Variants in RGL1 observed in about 807,000 individuals in gnomAD.
RGL1 encodes ral guanine nucleotide dissociation stimulator-like 1.
A neutral mutation model predicts 95.2 loss-of-function variants in RGL1; 24 were observed. That is an observed-to-expected ratio of 0.25 (90% CI 0.18 to 0.35). The LOEUF (loss-of-function observed/expected upper bound fraction) is 0.35, where lower values mean the gene tolerates loss of function less well. Among genes scored for constraint, RGL1 ranks in the 10% least tolerant of loss-of-function variants. The pLI, the probability that RGL1 is intolerant of heterozygous loss-of-function variation, is 1.00. For missense variants in RGL1, 715 were observed against 936.3 expected (o/e 0.76, Z 3.08); for synonymous variants, 329 against 344.9 (o/e 0.95, Z 0.51).
At position 183,750,060 on chromosome 1, in the gene RGL1, C is replaced by T. The variant is rs968616441; in HGVS notation, c.132+7771C>T. On this transcript the variant is annotated intron_variant, in intron 2 of 18. Transcript: ENST00000304685. ...TCTTGGGGTTGCTCCTCTTGAGGAGCATCTTAGTGGTGCTCTCTGCATTTC... is the reference window on the plus strand; with the variant it reads ...TCTTGGGGTTGCTCCTCTTGAGGAGTATCTTAGTGGTGCTCTCTGCATTTC... Among the ~76,000 whole-genome samples the T allele has an allele frequency of 4.5e-4, 68 of 152,074 alleles. 1 individual carries two copies. The highest frequency in any genetic ancestry group is 1.6e-3 in the African/African-American group (68 of 41,416).
intron 1 of RGL1, among the ~76,000 whole-genome samples, chr1:183,727,943 G>A (rs1009996047): frequency 9.2e-5 from 14 of 152,150 alleles, no homozygotes; most frequent in African/African-American, 2.9e-4. Flanking sequence ...TTACTTTTGG[G>A]TATGTCTATG....
upstream of RGL1, among the ~76,000 whole-genome samples, chr1:183,803,651 T>C (rs1258366192): frequency 1.3e-5 from 2 of 152,188 alleles, no homozygotes; most frequent in African/African-American, 4.8e-5. Flanking sequence ...AATATTTCAG[T>C]TACTGCCAAA....
intron 1 of RGL1, among the ~76,000 whole-genome samples, chr1:183,704,989 A>G (rs1654814439): frequency 6.6e-6 from 1 of 152,138 alleles, no homozygotes; most frequent in Admixed American, 6.5e-5. Flanking sequence ...CACATCATTC[A>G]TTGGTGTAGA....
At chr1:183,762,431 A>G (rs1364297934) in intron 2 of RGL1, among the ~76,000 whole-genome samples, 1 of 152,246 alleles carries the variant, frequency 6.6e-6, no homozygotes, top group Non-Finnish European at 1.5e-5. Context: ...CAGTGAGAAC[A>G]CACACAGCTT....
At chr1:183,651,504 G>A (rs1650750006) in intron 1 of RGL1, among the ~76,000 whole-genome samples, 1 of 152,086 alleles carries the variant, frequency 6.6e-6, no homozygotes, top group Admixed American at 6.5e-5. Context: ...GAGTTCCTAT[G>A]CTAATCCTAT....
intron 9 of RGL1, among the ~76,000 whole-genome samples, chr1:183,895,546 C>G (rs1290708284): frequency 6.6e-6 from 1 of 151,810 alleles, no homozygotes; most frequent in Non-Finnish European, 1.5e-5. Flanking sequence ...ATGAGTACAG[C>G]AGAAAACAAG....
rs190113717 is a variant in RGL1 at position 183,756,013 on chromosome 1, A to G, written c.132+13724A>G. On this transcript the variant is annotated intron_variant, in intron 2 of 18. Transcript: ENST00000304685. ...AGTCTCCTGCCTCAGTCTCCTGAGT[A>G]GCTGGGATTACAGGTGCCTGCCACC... Among the ~76,000 whole-genome samples the G allele has an allele frequency of 9.4e-3, 1,418 of 151,156 alleles. 15 individuals carry two copies. The highest frequency in any genetic ancestry group is 0.011 in the Non-Finnish European group (745 of 67,902).
chr1:183,846,382 G>A (rs2102533191), intron 2 of RGL1, among the ~76,000 whole-genome samples: 1 of 151,550 alleles, frequency 6.6e-6, no homozygotes, highest in Non-Finnish European at 1.5e-5. Context: ...GTCACACATG[G>A]GGGCCTGTCG....
chr1:183,849,482 A>AATTTTTTTTTTTTTTTTTT (rs150367802), intron 3 of RGL1, among the ~76,000 whole-genome samples: 2 of 99,356 alleles, frequency 2.0e-5, no homozygotes, highest in Non-Finnish European at 1.9e-5. Flanking sequence ...TCCAGTTTTT[A>AATTTTTTTTTTTTTTTTTT]GTTTTTTTTT....
chr1:183,767,285 A>G (rs990176904), intron 2 of RGL1, among the ~76,000 whole-genome samples: 1 of 151,668 alleles, frequency 6.6e-6, no homozygotes, highest in Admixed American at 6.6e-5. Flanking sequence ...AGTAATATGT[A>G]TATATAAGTA....
rs78032045 is a variant in RGL1, at chr1:183,697,850, C to T, written c.-32-44276C>T. The stretch of plus-strand genomic sequence containing the variant: ...CCAAGTATCTCAGTTCTCTCCCTTC[C>T]CCACTGTACTCTGTGTGAGTTGTAG... On this transcript the variant is annotated intron_variant, in intron 1 of 18. Coordinates refer to the RGL1 transcript ENST00000304685. 2.5e-3 allele frequency among the ~76,000 whole-genome samples: 384 copies of T among 152,322 alleles called. 4 individuals are homozygous for T. Among genetic ancestry groups the T allele is most frequent in the African/African-American group, 8.9e-3 (372 of 41,570 alleles).
At chr1:183,849,483 G>GTTTTTTATT (rs1664678275) in intron 3 of RGL1, among the ~76,000 whole-genome samples, 1 of 120,852 alleles carries the variant, frequency 8.3e-6, no homozygotes, top group African/African-American at 3.2e-5. Context: ...CCAGTTTTTA[G>GTTTTTTATT]TTTTTTTTTT....
At chr1:183,697,863 G>C (rs770177744) in intron 1 of RGL1, among the ~76,000 whole-genome samples, 5 of 152,196 alleles carry the variant, frequency 3.3e-5, no homozygotes, top group Non-Finnish European at 5.9e-5. Context: ...ACTGTACTCT[G>C]TGTGAGTTGT....
intron 2 of RGL1, among the ~76,000 whole-genome samples, chr1:183,794,150 A>T (rs1349971872): frequency 2.6e-5 from 4 of 152,216 alleles, no homozygotes; most frequent in Middle Eastern, 3.4e-3. Flanking sequence ...ATGTGGATGG[A>T]ACTAGAGGTC....
intron 2 of RGL1, among the ~76,000 whole-genome samples, chr1:183,782,837 A>C (rs1185465235): frequency 6.6e-6 from 1 of 152,146 alleles, no homozygotes; most frequent in Non-Finnish European, 1.5e-5. Context: ...GGGGGTGTAG[A>C]CAATGGCAAA....
chr1:183,755,111 G>C (rs987660053), intron 2 of RGL1, among the ~76,000 whole-genome samples: 2 of 152,004 alleles, frequency 1.3e-5, no homozygotes, highest in African/African-American at 4.8e-5. Context: ...TTAGAAATGT[G>C]ATCTTAAAAG....
intron 1 of RGL1, among the ~76,000 whole-genome samples, chr1:183,639,070 A>G (rs1649737716): frequency 6.6e-6 from 1 of 152,210 alleles, no homozygotes; most frequent in Non-Finnish European, 1.5e-5. Context: ...ACTTGAGGTG[A>G]GGAGTTCAAG....
At chr1:183,807,522 C>T (rs1661426135) in intron 2 of RGL1, among the ~76,000 whole-genome samples, 1 of 152,190 alleles carries the variant, frequency 6.6e-6, no homozygotes, top group Non-Finnish European at 1.5e-5. Context: ...CACAGGGCCT[C>T]CTGTTAAGAG....
chr1:183,912,179 G>A lies in RGL1; in HGVS notation c.1660G>A (p.Val554Ile), dbSNP rs1319651548. 1 of 1,613,966 alleles carries A rather than the reference G, an allele frequency of 6.2e-7. No homozygotes were observed. Among genetic ancestry groups the A allele is most frequent in the Non-Finnish European group, 8.5e-7 (1 of 1,180,018 alleles). The change falls in exon 15 of 18, where the codon GTC becomes ATC. Residue 554 changes from valine (V) to isoleucine (I), a missense_variant. This residue lies in a region of RGL1 where 330 missense variants were observed against 429.6 expected (regional missense o/e 0.77). Transcript: ENST00000360851. Reference protein sequence around the residue: ...SGSSGESMDSVSVSSCESNHS... With the variant: ...SGSSGESMDSISVSSCESNHS... ...GAGCTCTGGTGAAAGCATGGACTCT[G>A]TCAGCGTGTCATCCTGCGAGTCGAA...
Sources: gnomAD v4.1 joint callset for allele counts (sites outside exome capture counted in the v4.1 genomes callset) on GRCh38, gnomAD v4.1.1 for gene constraint, gnomAD v4.1.1 regional missense constraint, MANE v1.5 for transcripts, NCBI Gene and HGNC (gene_info 2026-07-23, HGNC 2026-07-21) for gene names.